Variants in MYO3A observed in about 807,000 individuals in gnomAD.
MYO3A encodes the protein myosin IIIA.
A neutral mutation model predicts 192.7 loss-of-function variants in MYO3A; 180 were observed. The ratio of observed to expected loss-of-function variants is 0.93; its 90% CI spans 0.83 to 1.06. The LOEUF is 1.06. Ranked by LOEUF, MYO3A falls within the 50% of genes least tolerant of loss-of-function variation. The probability of loss-of-function intolerance (pLI) is 0.00; values close to 1 mark genes in which losing one functional copy is unlikely to be tolerated. For missense variants in MYO3A, 1,896 were observed against 1,905.0 expected (o/e 1.00, Z 0.09); for synonymous variants, 628 against 645.3 (o/e 0.97, Z 0.41).
intron 31 of MYO3A, among the ~76,000 whole-genome samples, chr10:26,185,760 T>C (rs1263584427): frequency 6.6e-6 from 1 of 152,200 alleles, no homozygotes; most frequent in Non-Finnish European, 1.5e-5. Context: ...GAACTAGTAT[T>C]ATAGAAAATG....
intron 17 of MYO3A, among the ~76,000 whole-genome samples, chr10:26,114,217 T>C (rs1391789307): frequency 2.0e-5 from 3 of 152,116 alleles, no homozygotes; most frequent in Non-Finnish European, 4.4e-5. Flanking sequence ...TTTGTCCTGG[T>C]CCATGATGAC....
At chr10:26,051,704 G>C (rs543454144) in intron 10 of MYO3A, among the ~76,000 whole-genome samples, 1 of 151,814 alleles carries the variant, frequency 6.6e-6, no homozygotes, top group African/African-American at 2.4e-5. Flanking sequence ...CTTTTCTCCA[G>C]ATTTTTTGCC....
At chr10:26,188,111 G>C (rs1246073048) in intron 31 of MYO3A, among the ~76,000 whole-genome samples, 2 of 152,314 alleles carry the variant, frequency 1.3e-5, no homozygotes, top group Admixed American at 1.3e-4. Flanking sequence ...CCCACCAACA[G>C]TGTAAAAGTG....
At chr10:26,043,488 G>C (rs1406687533) in intron 10 of MYO3A, among the ~76,000 whole-genome samples, 1 of 152,260 alleles carries the variant, frequency 6.6e-6, no homozygotes, top group Admixed American at 6.5e-5. Flanking sequence ...AACTTACCTG[G>C]TGTTCTATTG....
chr10:25,974,000 C>G (rs113841677), intron 4 of MYO3A, among the ~76,000 whole-genome samples: 6,581 of 152,178 alleles, frequency 0.043, 182 homozygotes, highest in Middle Eastern at 0.068. Flanking sequence ...CGAAGAAAAC[C>G]TAGGCAATAC....
chr10:25,936,539 C>T (rs928095987), intron 2 of MYO3A, among the ~76,000 whole-genome samples: 5 of 152,086 alleles, frequency 3.3e-5, no homozygotes, highest in Non-Finnish European at 7.3e-5. Context: ...AACTCCCTCC[C>T]CCTAGTAATA....
rs771444470 is a variant in MYO3A at position 26,203,066 on chromosome 10, A to C, written c.4689A>C (p.Pro1563=). ...EHSPSLRERR[P]QQELQNQCIK... The stretch of plus-strand genomic sequence containing the variant: ...GCCCTAGTTTAAGAGAACGAAGACC[A>C]CAGCAAGAACTCCAGAATCAATGTA... Residue 1563 remains proline, a synonymous_variant, in exon 34 of 35, where the codon CCA becomes CCC. Transcript: ENST00000642920. The C allele has an allele frequency of 6.2e-7, 1 of 1,613,818 alleles. No homozygotes were observed. Among genetic ancestry groups the C allele is most frequent in the Admixed American group, 1.7e-5 (1 of 60,026 alleles).
chr10:26,140,424 C>T (rs1390040805), intron 20 of MYO3A, among the ~76,000 whole-genome samples: 3 of 152,186 alleles, frequency 2.0e-5, no homozygotes, highest in South Asian at 2.1e-4. Flanking sequence ...TGGCTCACGC[C>T]TGTAATCCCA....
intron 10 of MYO3A, among the ~76,000 whole-genome samples, chr10:26,029,192 T>C (rs1220376842): frequency 1.3e-5 from 2 of 152,194 alleles, no homozygotes; most frequent in Non-Finnish European, 2.9e-5. Flanking sequence ...TCAGTGATTA[T>C]TGGGCACAGT....
rs45472793 is a variant in MYO3A, at chr10:26,157,252, C to T, written c.2794-58C>T. The T allele has an allele frequency of 0.054, 80,649 of 1,499,508 alleles. 2,525 individuals are homozygous for T. Among genetic ancestry groups the T allele is most frequent in the Middle Eastern group, 0.075 (438 of 5,824 alleles). The allele number at this position is 1,499,508 out of a possible 1,614,324, so 92.9% of individuals were successfully genotyped here. A position where few individuals can be genotyped will look rare whatever the true frequency, so the allele number is the denominator to read the frequency against. ...TTCTTGTAGTAAAAAGAAAGGCCTA[C>T]AAGCTCATACGTTTTTGTATGCTAC... On this transcript the variant is annotated intron_variant, in intron 25 of 34. Transcript: ENST00000642920.
At chr10:26,093,741 T>C (rs1464230731) in intron 15 of MYO3A, among the ~76,000 whole-genome samples, 1 of 152,204 alleles carries the variant, frequency 6.6e-6, no homozygotes, top group Non-Finnish European at 1.5e-5. Context: ...CTCTACGTGA[T>C]TGACACCCAA....
intron 14 of MYO3A, among the ~76,000 whole-genome samples, chr10:26,087,974 T>G (rs543286613): frequency 1.3e-5 from 2 of 152,306 alleles, no homozygotes; most frequent in Middle Eastern, 6.8e-3. Flanking sequence ...AGAACTGCGC[T>G]TGAATAGAAA....
chr10:26,207,357 T>C (rs903369538), intron 34 of MYO3A, among the ~76,000 whole-genome samples: 1 of 152,182 alleles, frequency 6.6e-6, no homozygotes, highest in Non-Finnish European at 1.5e-5. Flanking sequence ...CAGCATCACA[T>C]GAGCTAGCCC....
At chr10:26,019,129 T>C (rs1009904414) in intron 7 of MYO3A, among the ~76,000 whole-genome samples, 1 of 152,074 alleles carries the variant, frequency 6.6e-6, no homozygotes, top group African/African-American at 2.4e-5. Flanking sequence ...CTCATTAACA[T>C]TCACTCCTCA....
chr10:26,162,105 G>T (rs142849457), intron 26 of MYO3A, among the ~76,000 whole-genome samples: 1 of 152,198 alleles, frequency 6.6e-6, no homozygotes, highest in African/African-American at 2.4e-5. Context: ...AGGCAGCAAG[G>T]GTGTGGGTAT....
At chr10:26,141,939 T>C (rs374571419) in intron 20 of MYO3A, among the ~76,000 whole-genome samples, 32 of 152,350 alleles carry the variant, frequency 2.1e-4, no homozygotes, top group African/African-American at 7.7e-4. Flanking sequence ...AAGCTCTGGC[T>C]TATCAAAATG....
At chr10:26,092,282 C>T (rs1453645786) in intron 15 of MYO3A, among the ~76,000 whole-genome samples, 2 of 152,114 alleles carry the variant, frequency 1.3e-5, no homozygotes, top group Admixed American at 6.5e-5. Flanking sequence ...CCTGGCTACA[C>T]GGTGAAACCC....
At chr10:25,971,777 A>G (rs1471445857) in intron 4 of MYO3A, among the ~76,000 whole-genome samples, 2 of 152,184 alleles carry the variant, frequency 1.3e-5, no homozygotes, top group Non-Finnish European at 2.9e-5. Flanking sequence ...TTTTCCTTTT[A>G]TTATAGGCTT....
At chr10:26,046,146 C>T (rs1479131539) in intron 10 of MYO3A, among the ~76,000 whole-genome samples, 1 of 152,068 alleles carries the variant, frequency 6.6e-6, no homozygotes, top group Non-Finnish European at 1.5e-5. Flanking sequence ...TGATTTATAG[C>T]GTTGGTCAGA....
Sources: allele counts gnomAD v4.1 joint callset (sites outside exome capture counted in the v4.1 genomes callset), GRCh38; gene constraint gnomAD v4.1.1; transcripts MANE v1.5; gene names NCBI Gene and HGNC (gene_info 2026-07-23, HGNC 2026-07-21).